The following CNTNAP3B variants were observed in gnomAD, a reference collection of about 807,000 sequenced individuals.
CNTNAP3B encodes the protein contactin-associated protein-like 3B.
CNTNAP3B carries 25 observed loss-of-function variants against 108.9 expected under a neutral mutation model. That is an observed-to-expected ratio of 0.23 (90% confidence interval 0.17 to 0.32). CNTNAP3B has a LOEUF of 0.32. Ranked by LOEUF, CNTNAP3B falls within the 10% of genes least tolerant of loss-of-function variation. The pLI is 1.00. For missense variants in CNTNAP3B, 252 were observed against 1,210.4 expected (o/e 0.21, Z 11.75); for synonymous variants, 103 against 473.4 (o/e 0.22, Z 10.16).
intron 13 of CNTNAP3B, among the ~76,000 whole-genome samples, chr9:41,950,809 G>T (rs1824654271): frequency 7.4e-6 from 1 of 135,940 alleles, no homozygotes; most frequent in South Asian, 2.3e-4. Context: ...CGCCCAGGCT[G>T]GAGTGCAGTG....
rs1278462133 is a variant in CNTNAP3B, at chr9:41,995,809, G to A, written c.1071+396C>T. Among the ~76,000 whole-genome samples, 5 of 137,410 alleles carry A rather than the reference G, an allele frequency of 3.6e-5. 1 individual carries two copies. The highest frequency in any genetic ancestry group is 7.8e-5 in the Non-Finnish European group (5 of 64,428). 90.1% of individuals were successfully genotyped at this position (137,410 alleles called of 152,430 possible). On this transcript the variant is annotated intron_variant, in intron 7 of 23. Coordinates refer to ENST00000377561, the MANE Select transcript of CNTNAP3B (RefSeq NM_001201380.3). The stretch of plus-strand genomic sequence containing the variant: ...CCAGCACTTTGGAAGGCCGAGGCAG[G>A]CAGATCACCTGAGGTCAGGAATTCG...
At chr9:41,935,943 A>T (rs1220539704) in intron 14 of CNTNAP3B, among the ~76,000 whole-genome samples, 3 of 152,380 alleles carry the variant, frequency 2.0e-5, no homozygotes, top group African/African-American at 4.8e-5. Context: ...CCCTCCTCAA[A>T]CTCAGTTCAT....
At chr9:41,958,364 T>C (rs1459104994) in intron 12 of CNTNAP3B, among the ~76,000 whole-genome samples, 1 of 152,304 alleles carries the variant, frequency 6.6e-6, no homozygotes, top group Non-Finnish European at 1.5e-5. Flanking sequence ...CCCAGACTGG[T>C]CTCAAAACTG....
At chr9:42,044,615 G>A (rs572217650) in intron 3 of CNTNAP3B, among the ~76,000 whole-genome samples, 46 of 142,424 alleles carry the variant, frequency 3.2e-4, no homozygotes, top group African/African-American at 1.2e-3. Context: ...GACTCCTGAG[G>A]ACAACCGACT....
intron 9 of CNTNAP3B, chr9:41,974,313 A>T (rs1223590829): frequency 1.1e-5 from 1 of 88,652 alleles, no homozygotes; most frequent in East Asian, 6.3e-4. Context: ...TAACCTGGCT[A>T]CCCATGGGTA....
chr9:42,100,272 T>G (rs1827995244), intron 2 of CNTNAP3B, among the ~76,000 whole-genome samples: 1 of 76,642 alleles, frequency 1.3e-5, no homozygotes, highest in Non-Finnish European at 2.8e-5. Context: ...ACTCACTAGG[T>G]GACACAATAC....
At chr9:41,962,899 G>C (rs1157408086) in intron 11 of CNTNAP3B, among the ~76,000 whole-genome samples, 1 of 151,800 alleles carries the variant, frequency 6.6e-6, no homozygotes, top group East Asian at 1.9e-4. Context: ...AACTTGCAGT[G>C]AGCTGAGATC....
chr9:41,940,807 T>A (rs1824318475), intron 13 of CNTNAP3B, among the ~76,000 whole-genome samples: 1 of 152,076 alleles, frequency 6.6e-6, no homozygotes, highest in Admixed American at 6.5e-5. Context: ...AGAGTGAGAC[T>A]CCATCTCCAA....
intron 2 of CNTNAP3B, among the ~76,000 whole-genome samples, chr9:42,096,836 G>C (rs1454427694): frequency 8.1e-6 from 1 of 123,450 alleles, no homozygotes; most frequent in East Asian, 2.5e-4. Context: ...CTTTCCAAAA[G>C]CTCATTCTAC....
intron 9 of CNTNAP3B, among the ~76,000 whole-genome samples, chr9:41,984,034 C>G: frequency 1.1e-5 from 1 of 92,092 alleles, no homozygotes; most frequent in Middle Eastern, 5.4e-3. Flanking sequence ...CTGGGGGACA[C>G]AGCGAGACTC....
At chr9:41,925,958 G>A (rs1207724773) in intron 15 of CNTNAP3B, among the ~76,000 whole-genome samples, 1 of 152,262 alleles carries the variant, frequency 6.6e-6, no homozygotes, top group African/African-American at 2.4e-5. Context: ...CTATTTACTA[G>A]GGTGTCATTG....
chr9:42,042,155 A>C (rs1826774999), intron 3 of CNTNAP3B, among the ~76,000 whole-genome samples: 1 of 139,902 alleles, frequency 7.1e-6, no homozygotes, highest in Admixed American at 7.2e-5. Flanking sequence ...TGGGTGCAGC[A>C]CACCAACATG....
At chr9:41,942,472 G>A (rs1359823642) in intron 13 of CNTNAP3B, among the ~76,000 whole-genome samples, 12 of 151,530 alleles carry the variant, frequency 7.9e-5, no homozygotes, top group African/African-American at 2.4e-4. Flanking sequence ...TTAGCCGGGC[G>A]TGGTGGCGGG....
intron 17 of CNTNAP3B, among the ~76,000 whole-genome samples, chr9:41,921,722 A>G (rs1245212476): frequency 2.0e-5 from 3 of 152,232 alleles, no homozygotes; most frequent in Admixed American, 1.3e-4. Flanking sequence ...TCACCTTTAA[A>G]TAAATGGAGT....
rs934392929 is a variant in CNTNAP3B, at chr9:42,110,538, A to C, written c.86-5799T>G. ...CAGAAAACCTCTTTGTTCTAAAAAA[A>C]AAAAAAAGAAAAAAAAAGATTCCTG... is the stretch of plus-strand genomic sequence containing the variant. On this transcript the variant is annotated intron_variant, in intron 1 of 23. Transcript: ENST00000377561. Among the ~76,000 whole-genome samples, 2 of 136,992 alleles carry C rather than the reference A, an allele frequency of 1.5e-5. 1 individual carries two copies. Among genetic ancestry groups the C allele is most frequent in the African/African-American group, 5.8e-5 (2 of 34,344 alleles). The allele number at this position is 136,992 out of a possible 152,430, so 89.9% of individuals were successfully genotyped here.
chr9:42,014,599 G>A (rs1449085194), intron 3 of CNTNAP3B, among the ~76,000 whole-genome samples: 4 of 113,226 alleles, frequency 3.5e-5, no homozygotes, highest in Non-Finnish European at 7.2e-5. Context: ...GATCATCCTG[G>A]CTAACACGGT....
At chr9:41,917,941 C>T (rs1410206816) in intron 18 of CNTNAP3B, among the ~76,000 whole-genome samples, 7 of 152,302 alleles carry the variant, frequency 4.6e-5, no homozygotes, top group African/African-American at 1.7e-4. Context: ...AGGGTCTTGG[C>T]TTAAATGCCT....
chr9:41,941,818 A>G (rs1316999074), intron 13 of CNTNAP3B, among the ~76,000 whole-genome samples: 1 of 151,218 alleles, frequency 6.6e-6, no homozygotes, highest in East Asian at 1.9e-4. Context: ...GAAAACTCCT[A>G]GAGTGGGGGA....
chr9:41,962,426 G>T (rs1357056075), intron 11 of CNTNAP3B, among the ~76,000 whole-genome samples: 1 of 152,104 alleles, frequency 6.6e-6, no homozygotes, highest in Non-Finnish European at 1.5e-5. Flanking sequence ...AATAACCATG[G>T]ACTAATATAA....
Sources: gnomAD v4.1 joint callset for allele counts (sites outside exome capture counted in the v4.1 genomes callset) on GRCh38, gnomAD v4.1.1 for gene constraint, MANE v1.5 for transcripts, NCBI Gene and HGNC (gene_info 2026-07-23, HGNC 2026-07-21) for gene names.